MAML3: variants seen among roughly 807,000 people sequenced by gnomAD.
MAML3 encodes mastermind-like protein 3.
MAML3 carries 27 observed loss-of-function variants against 101.9 expected under a neutral mutation model. That is an observed-to-expected ratio of 0.27 (90% CI 0.20 to 0.37). The LOEUF (loss-of-function observed/expected upper bound fraction) is 0.37, where lower values mean the gene tolerates loss of function less well. Ranked by LOEUF, MAML3 falls within the 10% of genes least tolerant of loss-of-function variation. MAML3 has a pLI of 1.00. For synonymous variants in MAML3, 501 were observed against 555.9 expected (o/e 0.90, Z 1.39); for missense variants, 1,316 against 1,444.9 (o/e 0.91, Z 1.45).
At chr4:140,071,652 T>TAA (rs763506702) in intron 1 of MAML3, among the ~76,000 whole-genome samples, 1 of 140,226 alleles carries the variant, frequency 7.1e-6, no homozygotes, top group Admixed American at 7.2e-5. Context: ...TCTCACAGTT[T>TAA]AAAAAAAAAA....
chr4:140,125,260 A>G (rs1185917569), intron 1 of MAML3, among the ~76,000 whole-genome samples: 1 of 152,188 alleles, frequency 6.6e-6, no homozygotes, highest in African/African-American at 2.4e-5. Flanking sequence ...ACAATGAAGA[A>G]TTCACCACAA....
At position 139,827,884 on chromosome 4, in the gene MAML3, A is replaced by T. The variant is rs200111662; in HGVS notation, c.2079+61473T>A. 7.9e-5 allele frequency among the ~76,000 whole-genome samples: 12 copies of T among 152,342 alleles called. No individual in the cohort carries two copies. In the East Asian group the frequency reaches 2.1e-3, roughly 27 times the overall value. ...AATTTGAGCTGAGGTGATTGCCTCAAAAATTACTGCAAGTAACTACTATAA... is the reference window on the plus strand; with the variant it reads ...AATTTGAGCTGAGGTGATTGCCTCATAAATTACTGCAAGTAACTACTATAA... On this transcript the variant is annotated intron_variant, in intron 2 of 4. Transcript: ENST00000509479.
intron 2 of MAML3, among the ~76,000 whole-genome samples, chr4:139,733,557 GAA>G (rs3051189): frequency 0.23 from 29,383 of 126,084 alleles, 3,476 homozygotes; most frequent in Admixed American, 0.36. Flanking sequence ...AGCACAGTGT[GAA>G]AAAAAAAAAA....
chr4:139,926,548 C>G (rs748641540), intron 1 of MAML3, among the ~76,000 whole-genome samples: 1 of 152,062 alleles, frequency 6.6e-6, no homozygotes. Flanking sequence ...TGCAGTGAGC[C>G]GAGATCGCAC....
chr4:139,944,680 C>CA (rs1377892741), intron 1 of MAML3, among the ~76,000 whole-genome samples: 3 of 147,792 alleles, frequency 2.0e-5, no homozygotes, highest in Admixed American at 6.8e-5. Flanking sequence ...TTTATGCAGC[C>CA]AAAAAACACA....
At chr4:140,091,537 C>CAAAACAAA (rs1728048886) in intron 1 of MAML3, among the ~76,000 whole-genome samples, 2 of 71,600 alleles carry the variant, frequency 2.8e-5, no homozygotes, top group Non-Finnish European at 5.5e-5. Flanking sequence ...AACAACAAAA[C>CAAAACAAA]AAAAACAAAA....
intron 2 of MAML3, among the ~76,000 whole-genome samples, chr4:139,868,640 A>C (rs973725517): frequency 1.3e-5 from 2 of 152,196 alleles, no homozygotes; most frequent in African/African-American, 4.8e-5. Context: ...TGGAGGTAAT[A>C]ATACCTTTAT....
At chr4:139,988,325 T>C (rs1396929133) in intron 1 of MAML3, among the ~76,000 whole-genome samples, 3 of 50,944 alleles carry the variant, frequency 5.9e-5, no homozygotes, top group African/African-American at 2.7e-4. Flanking sequence ...AGACTCCGTC[T>C]CAAAAAAAAA....
intron 1 of MAML3, among the ~76,000 whole-genome samples, chr4:140,143,723 T>C (rs1312851226): frequency 1.3e-5 from 2 of 152,164 alleles, no homozygotes; most frequent in Admixed American, 6.5e-5. Flanking sequence ...ATCATACCAC[T>C]GCACTCTAGC....
At chr4:139,738,936 G>C (rs1398358305) in intron 2 of MAML3, among the ~76,000 whole-genome samples, 2 of 152,160 alleles carry the variant, frequency 1.3e-5, no homozygotes, top group East Asian at 1.9e-4. Flanking sequence ...ACATGGGAGA[G>C]GTAGAAGCTT....
At chr4:139,888,454 G>C (rs1300524224) in intron 2 of MAML3, 1 of 492,496 alleles carries the variant, frequency 2.0e-6, no homozygotes. Context: ...GTAGGGCAGG[G>C]GGAGTCGCTT....
intron 1 of MAML3, among the ~76,000 whole-genome samples, chr4:139,979,930 TA>T (rs1222494210): frequency 7.9e-5 from 12 of 152,168 alleles, no homozygotes; most frequent in Non-Finnish European, 1.5e-4. Flanking sequence ...CTGCCAATAG[TA>T]AGTAGGAATA....
Position 139,890,274 on chromosome 4 carries a change from C to G in MAML3, c.1162G>C (p.Val388Leu), listed in dbSNP as rs752537761. Residue 388 changes from valine to leucine, a missense_variant, in exon 2 of 5, where the codon GTC becomes CTC. Val to Leu is a conservative substitution (Grantham distance 32). Coordinates refer to ENST00000509479, the MANE Select transcript of MAML3 (RefSeq NM_018717.5). This position sits in a 1 kb window ranked among gnomAD's most constrained non-coding sequence, Gnocchi z 4.1. ...PSSSGPPFST[V>L]STATSLPSVA... ...GAAGGTAAACTAGTGGCCGTGGAGA[C>G]AGTAGAAAAGGGAGGACCAGAAGAA... 1.9e-6 allele frequency: 3 copies of G among 1,613,736 alleles called. No homozygotes were observed. Among genetic ancestry groups the G allele is most frequent in the Non-Finnish European group, 2.5e-6 (3 of 1,179,890 alleles).
At chr4:140,140,057 C>T (rs1728954897) in intron 1 of MAML3, among the ~76,000 whole-genome samples, 1 of 152,204 alleles carries the variant, frequency 6.6e-6, no homozygotes, top group African/African-American at 2.4e-5. Flanking sequence ...GACGCGGTGG[C>T]TCACGCCTAT....
At chr4:140,072,929 CA>C (rs1727689257) in intron 1 of MAML3, among the ~76,000 whole-genome samples, 2 of 152,104 alleles carry the variant, frequency 1.3e-5, no homozygotes, top group African/African-American at 4.8e-5. Flanking sequence ...TAAAAAGAAA[CA>C]GGGGGTCCTA....
intron 2 of MAML3, among the ~76,000 whole-genome samples, chr4:139,818,102 A>G (rs1730920473): frequency 6.6e-6 from 1 of 152,178 alleles, no homozygotes. Context: ...ATCATTTACA[A>G]TTCTAACAAG....
At chr4:140,006,058 T>C (rs1255215648) in intron 1 of MAML3, among the ~76,000 whole-genome samples, 1 of 152,220 alleles carries the variant, frequency 6.6e-6, no homozygotes. Context: ...TCTATAGTCA[T>C]CTTTTGTTTG....
intron 1 of MAML3, among the ~76,000 whole-genome samples, chr4:140,094,431 G>A (rs544930976): frequency 1.3e-5 from 2 of 152,300 alleles, no homozygotes; most frequent in African/African-American, 4.8e-5. Context: ...AGCAGCAGCC[G>A]GCCAACGCTG....
intron 1 of MAML3, among the ~76,000 whole-genome samples, chr4:139,969,314 G>T (rs1048394721): frequency 2.6e-5 from 4 of 151,876 alleles, no homozygotes; most frequent in African/African-American, 9.7e-5. Flanking sequence ...GGCACGGGAA[G>T]AGAGACAGAC....
Sources: allele counts gnomAD v4.1 joint callset (sites outside exome capture counted in the v4.1 genomes callset), GRCh38; gene constraint gnomAD v4.1.1; non-coding constraint Gnocchi (gnomAD v3.1); transcripts MANE v1.5; gene names NCBI Gene and HGNC (gene_info 2026-07-23, HGNC 2026-07-21).